ANO10: variants seen among roughly 807,000 people sequenced by gnomAD.
ANO10 encodes anoctamin-10.
In ANO10, 77 loss-of-function variants were observed where a neutral mutation model predicts 74.7. That is an observed-to-expected ratio of 1.03 (90% CI 0.86 to 1.25). ANO10 has a LOEUF of 1.25. Ranked by LOEUF, ANO10 falls within the 50% of genes most tolerant of loss-of-function variation. ANO10 has a pLI of 0.00. For missense variants in ANO10, 721 were observed against 778.1 expected (o/e 0.93, Z 0.87); for synonymous variants, 279 against 284.9 (o/e 0.98, Z 0.21).
intron 4 of ANO10, among the ~76,000 whole-genome samples, chr3:43,582,570 A>G (rs1233367852): frequency 1.3e-5 from 2 of 152,250 alleles, no homozygotes; most frequent in Non-Finnish European, 2.9e-5. Flanking sequence ...CTTCTTAGAC[A>G]TGAAAAAGAA....
At chr3:43,680,069 G>C (rs368841194) in intron 1 of ANO10, among the ~76,000 whole-genome samples, 2 of 152,184 alleles carry the variant, frequency 1.3e-5, no homozygotes, top group East Asian at 3.8e-4. Flanking sequence ...ACCAGCAACG[G>C]AACAAAGCTG....
At chr3:43,476,073 A>G (rs180999131) in intron 11 of ANO10, among the ~76,000 whole-genome samples, 4 of 152,276 alleles carry the variant, frequency 2.6e-5, no homozygotes, top group East Asian at 3.8e-4. Flanking sequence ...TTACTTCAGA[A>G]TCATATATTT....
At chr3:43,603,684 C>A (rs1358209390) in intron 2 of ANO10, among the ~76,000 whole-genome samples, 1 of 152,162 alleles carries the variant, frequency 6.6e-6, no homozygotes, top group Non-Finnish European at 1.5e-5. Flanking sequence ...CTGTATGAGT[C>A]TAAACAGAAG....
At chr3:43,670,324 T>TTAAATAAA (rs61670690) in intron 1 of ANO10, among the ~76,000 whole-genome samples, 12,479 of 145,868 alleles carry the variant, frequency 0.086, 611 homozygotes, top group Middle Eastern at 0.12. Context: ...AGACCCTTTC[T>TTAAATAAA]TAAATAAATA....
intron 11 of ANO10, among the ~76,000 whole-genome samples, chr3:43,474,724 A>G (rs1387663571): frequency 6.6e-6 from 1 of 152,218 alleles, no homozygotes; most frequent in Non-Finnish European, 1.5e-5. Flanking sequence ...ATGTTTAAAG[A>G]AATTTGCATT....
intron 12 of ANO10, among the ~76,000 whole-genome samples, chr3:43,413,866 C>A (rs1553651876): frequency 6.6e-6 from 1 of 151,718 alleles, no homozygotes; most frequent in Non-Finnish European, 1.5e-5. Context: ...ACAGGCCCCA[C>A]CACAGTCAGC....
chr3:43,502,747 A>G (rs2149153426), intron 11 of ANO10, among the ~76,000 whole-genome samples: 1 of 152,382 alleles, frequency 6.6e-6, no homozygotes, highest in South Asian at 2.1e-4. Flanking sequence ...ATGGAATATT[A>G]TTCAGCCTTA....
At chr3:43,670,514 G>C (rs2084046137) in intron 1 of ANO10, among the ~76,000 whole-genome samples, 1 of 152,070 alleles carries the variant, frequency 6.6e-6, no homozygotes, top group Non-Finnish European at 1.5e-5. Flanking sequence ...AGGGTGAAAA[G>C]TAGTCCTTAT....
At chr3:43,453,280 C>T (rs943054212) in intron 11 of ANO10, among the ~76,000 whole-genome samples, 11 of 150,984 alleles carry the variant, frequency 7.3e-5, no homozygotes, top group Admixed American at 5.9e-4. Context: ...CCCAGGTTCA[C>T]GTCATTGTTC....
intron 1 of ANO10, among the ~76,000 whole-genome samples, chr3:43,648,162 C>A (rs1306484481): frequency 1.3e-5 from 2 of 152,200 alleles, no homozygotes; most frequent in Non-Finnish European, 2.9e-5. Flanking sequence ...CACATAAATA[C>A]AAAATAAAAA....
chr3:43,597,375 G>A (rs555091076), intron 4 of ANO10, among the ~76,000 whole-genome samples: 1 of 152,238 alleles, frequency 6.6e-6, no homozygotes, highest in African/African-American at 2.4e-5. Context: ...ATGTCTATCA[G>A]TGATAGACTG....
chr3:43,420,770 C>A (rs2092808151), intron 12 of ANO10, among the ~76,000 whole-genome samples: 1 of 152,148 alleles, frequency 6.6e-6, no homozygotes, highest in South Asian at 2.1e-4. Context: ...AGGGATGGGG[C>A]TTTGACCTTA....
At chr3:43,689,140 C>T (rs1214792548) in intron 1 of ANO10, among the ~76,000 whole-genome samples, 1 of 152,140 alleles carries the variant, frequency 6.6e-6, no homozygotes, top group African/African-American at 2.4e-5. Flanking sequence ...GAGAAATTCA[C>T]CCCCAGAATC....
chr3:43,473,495 C>A (rs1462713440), intron 11 of ANO10, among the ~76,000 whole-genome samples: 2 of 152,190 alleles, frequency 1.3e-5, no homozygotes, highest in South Asian at 4.1e-4. Flanking sequence ...CAGTGCCACA[C>A]GCGCCTCTCC....
At position 43,366,325 on chromosome 3, in the gene ANO10, G is replaced by A. The variant is rs2125660162; in HGVS notation, c.*581C>T. 1 of 167,872 alleles carries A rather than the reference G, an allele frequency of 6.0e-6. No individual in the cohort carries two copies. The highest frequency in any genetic ancestry group is 1.5e-4 in the South Asian group (1 of 6,746). 10.4% of individuals were successfully genotyped at this position (167,872 alleles called of 1,614,324 possible). A position where few individuals can be genotyped will look rare whatever the true frequency, so the allele number is the denominator to read the frequency against. On this transcript the variant is annotated 3_prime_UTR_variant, in exon 13 of 13. Transcript: ENST00000292246. The stretch of plus-strand genomic sequence containing the variant: ...AAGGGAAGCCCATTGCGGTACCTAT[G>A]TAGGCAGAAGGAGTCAGAGAGGTTG...
intron 12 of ANO10, among the ~76,000 whole-genome samples, chr3:43,405,682 C>G (rs2092563624): frequency 6.6e-6 from 1 of 152,096 alleles, no homozygotes; most frequent in African/African-American, 2.4e-5. Context: ...CCATGTTGCC[C>G]AGGCTACTCT....
In ANO10 at chr3:43,563,404, G is replaced by T. The variant is rs575780331; in HGVS notation, c.1294-2002C>A. Among the ~76,000 whole-genome samples, 266 of 140,650 alleles carry T rather than the reference G, an allele frequency of 1.9e-3. 1 individual carries two copies. Among genetic ancestry groups the T allele is most frequent in the African/African-American group, 6.5e-3 (252 of 38,540 alleles). The allele number at this position is 140,650 out of a possible 152,430, so 92.3% of individuals were successfully genotyped here. A position where few individuals can be genotyped will look rare whatever the true frequency, so the allele number is the denominator to read the frequency against. On this transcript the variant is annotated intron_variant, in intron 8 of 12. Coordinates refer to ENST00000292246, the MANE Select transcript of ANO10 (RefSeq NM_018075.5). Reference sequence around the variant, plus strand: ...AAATTGATACAGACATTATATAAAAGAGTATGGCGAGAGGTTTTTTTTTTT... The same window carrying T: ...AAATTGATACAGACATTATATAAAATAGTATGGCGAGAGGTTTTTTTTTTT...
chr3:43,451,543 A>G (rs1559557461), intron 11 of ANO10, among the ~76,000 whole-genome samples: 1 of 150,320 alleles, frequency 6.7e-6, no homozygotes, highest in African/African-American at 2.4e-5. Flanking sequence ...GACCTGTGAC[A>G]GTAATCAATT....
At chr3:43,448,362 C>A (rs1043026851) in intron 11 of ANO10, among the ~76,000 whole-genome samples, 1 of 152,190 alleles carries the variant, frequency 6.6e-6, no homozygotes, top group African/African-American at 2.4e-5. Context: ...TTCCCTCCCC[C>A]TCAACTCCCA....
Sources: allele counts gnomAD v4.1 joint callset (sites outside exome capture counted in the v4.1 genomes callset), GRCh38; gene constraint gnomAD v4.1.1; transcripts MANE v1.5; gene names NCBI Gene and HGNC (gene_info 2026-07-23, HGNC 2026-07-21).